The following SPON1 variants were observed in gnomAD, a reference collection of about 807,000 sequenced individuals.
SPON1 encodes the protein spondin-1.
SPON1 carries 52 observed loss-of-function variants against 111.7 expected under a neutral mutation model. That is an observed-to-expected ratio of 0.47 (90% confidence interval 0.37 to 0.59). The LOEUF is 0.59. Ranked by LOEUF, SPON1 falls within the 20% of genes least tolerant of loss-of-function variation. The pLI is 0.00. For synonymous variants in SPON1, 410 were observed against 395.8 expected (o/e 1.04, Z -0.43); for missense variants, 957 against 1,068.5 (o/e 0.90, Z 1.46).
At chr11:14,153,866 A>G (rs1554930132) in intron 6 of SPON1, among the ~76,000 whole-genome samples, 1 of 152,202 alleles carries the variant, frequency 6.6e-6, no homozygotes, top group Admixed American at 6.5e-5. Flanking sequence ...CTTCTGTTCC[A>G]AAAGGGATAA....
chr11:14,097,431 T>C (rs1554923979), intron 5 of SPON1, among the ~76,000 whole-genome samples: 1 of 152,218 alleles, frequency 6.6e-6, no homozygotes, highest in Non-Finnish European at 1.5e-5. Context: ...ATCAAGTTAA[T>C]TCCTAGAATT....
At chr11:14,007,840 T>C (rs576433450) in intron 2 of SPON1, among the ~76,000 whole-genome samples, 4 of 152,282 alleles carry the variant, frequency 2.6e-5, no homozygotes, top group Admixed American at 2.6e-4. Flanking sequence ...CAGGCTTGTG[T>C]GTGGCTGCAT....
chr11:14,194,578 C>T (rs538971331), intron 6 of SPON1, among the ~76,000 whole-genome samples: 60 of 146,140 alleles, frequency 4.1e-4, no homozygotes, highest in Admixed American at 3.3e-3. Context: ...GGACTGCCTG[C>T]GTGGCTGGTA....
Position 14,262,982 on chromosome 11 carries a change from C to A in SPON1, c.2260+7C>A. 2 of 1,611,026 alleles carry A rather than the reference C, an allele frequency of 1.2e-6. No individual in the cohort carries two copies. Among genetic ancestry groups the A allele is most frequent in the Non-Finnish European group, 1.7e-6 (2 of 1,179,018 alleles). On this transcript the variant is annotated splice_region_variant and intron_variant, in intron 15 of 15. Transcript: ENST00000576479. Reference sequence around the variant, plus strand: ...GAAGGGGAGCAGTTCCCAGGTATGGCTCCCAAGTGTCAGCCTGGGTGGTCT... The same window carrying A: ...GAAGGGGAGCAGTTCCCAGGTATGGATCCCAAGTGTCAGCCTGGGTGGTCT...
intron 6 of SPON1, among the ~76,000 whole-genome samples, chr11:14,151,803 T>A (rs1325774987): frequency 6.6e-6 from 1 of 152,196 alleles, no homozygotes; most frequent in East Asian, 1.9e-4. Flanking sequence ...GAGCCCCATC[T>A]CATGGAGAGA....
chr11:14,264,310 G>T (rs1849232445), intron 15 of SPON1, among the ~76,000 whole-genome samples: 1 of 152,122 alleles, frequency 6.6e-6, no homozygotes, highest in Non-Finnish European at 1.5e-5. Flanking sequence ...ACTGATTTGG[G>T]GATGGCAAAC....
chr11:14,090,254 G>A lies in SPON1; in HGVS notation c.676+10233G>A, dbSNP rs1440131219. Among the ~76,000 whole-genome samples, 3 of 149,096 alleles carry A rather than the reference G, an allele frequency of 2.0e-5. No homozygotes were observed. In the East Asian group the frequency reaches 6.0e-4, roughly 30 times the overall value. On this transcript the variant is annotated intron_variant, in intron 5 of 15. Coordinates refer to ENST00000576479, the MANE Select transcript of SPON1 (RefSeq NM_006108.4). ...CAGCTTGGCGTCTGCCCAAACAGCC[G>A]CCCAGTTTTGTGATTGAAAGCCAGG...
intron 1 of SPON1, among the ~76,000 whole-genome samples, chr11:13,972,751 A>T (rs569021911): frequency 6.6e-6 from 1 of 152,308 alleles, no homozygotes; most frequent in Middle Eastern, 3.4e-3. Context: ...TGATTCTTGT[A>T]GTTTAGGCAG....
At chr11:14,162,087 G>A (rs902568906) in intron 6 of SPON1, among the ~76,000 whole-genome samples, 16 of 151,612 alleles carry the variant, frequency 1.1e-4, no homozygotes, top group Admixed American at 4.6e-4. Context: ...GAACCCGGGA[G>A]GCAGAGGTTG....
At chr11:14,264,670 T>G (rs895458179) in intron 15 of SPON1, among the ~76,000 whole-genome samples, 6 of 152,232 alleles carry the variant, frequency 3.9e-5, no homozygotes, top group Admixed American at 2.6e-4. Context: ...AGTTGTACGG[T>G]ACATTCCTCC....
chr11:14,141,797 ACTTTT>A (rs1355876607), intron 6 of SPON1, among the ~76,000 whole-genome samples: 1 of 152,070 alleles, frequency 6.6e-6, no homozygotes, highest in African/African-American at 2.4e-5. Flanking sequence ...ATTTTTAATC[ACTTTT>A]CTTTAATTAA....
In SPON1 at chr11:14,160,917, TTATATATTTATATATTTATA is replaced by T. The variant is rs1564919731; in HGVS notation, c.825+25375_825+25394del. On this transcript the variant is annotated intron_variant, in intron 6 of 15. Transcript: ENST00000576479. ...TATATTTATATATTTATATATATAT[TTATATATTTATATATTTATA>T]TATATATTTATATATTTATATATAT... Among the ~76,000 whole-genome samples, 3 of 41,518 alleles carry T rather than the reference TTATATATTTATATATTTATA, an allele frequency of 7.2e-5. 1 individual carries two copies. Among genetic ancestry groups the T allele is most frequent in the Non-Finnish European group, 1.2e-4 (3 of 25,526 alleles). The allele number at this position is 41,518 out of a possible 152,430, so 27.2% of individuals were successfully genotyped here. A position where few individuals can be genotyped will look rare whatever the true frequency, so the allele number is the denominator to read the frequency against.
intron 3 of SPON1, among the ~76,000 whole-genome samples, chr11:14,065,438 C>A (rs1298780445): frequency 6.6e-6 from 1 of 152,182 alleles, no homozygotes; most frequent in African/African-American, 2.4e-5. Flanking sequence ...TACACCCACG[C>A]CCAGCCACGG....
intron 1 of SPON1, among the ~76,000 whole-genome samples, chr11:13,967,670 G>A (rs1027269544): frequency 3.5e-4 from 53 of 152,082 alleles, no homozygotes; most frequent in African/African-American, 1.2e-3. Context: ...CACAAGATGA[G>A]GTCTTTTAAA....
In SPON1 at chr11:14,090,824, GCCCCCCCCCCC is replaced by G. The variant is rs1176498162; in HGVS notation, c.676+10813_676+10823del. On this transcript the variant is annotated intron_variant, in intron 5 of 15. Transcript: ENST00000576479. Reference sequence around the variant, plus strand: ...CAGCCTGCTTTTATTCTCTTATCTGGCCCCCCCCCCCCCCCCCCCCGCCCACATCCTGCTGA... The same window carrying G: ...CAGCCTGCTTTTATTCTCTTATCTGGCCCCCCCCCGCCCACATCCTGCTGA... Among the ~76,000 whole-genome samples, 249 of 45,616 alleles carry G rather than the reference GCCCCCCCCCCC, an allele frequency of 5.5e-3. 38 individuals are homozygous for G. The highest frequency in any genetic ancestry group is 0.023 in the African/African-American group (241 of 10,284). The allele number at this position is 45,616 out of a possible 152,430, so 29.9% of individuals were successfully genotyped here. A position where few individuals can be genotyped will look rare whatever the true frequency, so the allele number is the denominator to read the frequency against.
intron 3 of SPON1, among the ~76,000 whole-genome samples, chr11:14,056,675 G>A (rs1848746794): frequency 6.6e-6 from 1 of 152,078 alleles, no homozygotes; most frequent in Non-Finnish European, 1.5e-5. Flanking sequence ...GGATCACGAG[G>A]TCAGGAGATT....
intron 2 of SPON1, among the ~76,000 whole-genome samples, chr11:14,020,467 G>A (rs1848472830): frequency 6.6e-6 from 1 of 152,208 alleles, no homozygotes; most frequent in Non-Finnish European, 1.5e-5. Context: ...TATGCAGTTG[G>A]TAGGCGTGCA....
chr11:14,247,587 G>A (rs1361187615), intron 7 of SPON1, among the ~76,000 whole-genome samples: 2 of 152,184 alleles, frequency 1.3e-5, no homozygotes, highest in Non-Finnish European at 2.9e-5. Flanking sequence ...GGTGGTGGTG[G>A]TGGAAAAGGA....
chr11:14,059,902 T>G (rs1469536393), intron 3 of SPON1, among the ~76,000 whole-genome samples: 1 of 152,142 alleles, frequency 6.6e-6, no homozygotes, highest in East Asian at 1.9e-4. Context: ...CCTTGACTGG[T>G]TCTAAGCATT....
Sources: gnomAD v4.1 joint callset for allele counts (sites outside exome capture counted in the v4.1 genomes callset) on GRCh38, gnomAD v4.1.1 for gene constraint, MANE v1.5 for transcripts, NCBI Gene and HGNC (gene_info 2026-07-23, HGNC 2026-07-21) for gene names.